The following CSF2RA variants were observed in gnomAD, a reference collection of about 807,000 sequenced individuals.
CSF2RA encodes colony stimulating factor 2 receptor subunit alpha.
A neutral mutation model predicts 51.6 loss-of-function variants in CSF2RA; 42 were observed. The observed-to-expected ratio is 0.81, with a 90% CI of 0.64 to 1.05. The LOEUF (loss-of-function observed/expected upper bound fraction) is 1.05, where lower values mean the gene tolerates loss of function less well. Among genes scored for constraint, CSF2RA ranks in the 50% least tolerant of loss-of-function variants. The pLI is 0.00. For missense variants in CSF2RA, 530 were observed against 501.1 expected (o/e 1.06, Z -0.55); for synonymous variants, 222 against 193.0 (o/e 1.15, Z -1.24).
the CSF2RA span, among the ~76,000 whole-genome samples, chrX:1,324,450 G>C: frequency 3.0e-5 from 2 of 67,642 alleles, no homozygotes; most frequent in African/African-American, 6.6e-5. Flanking sequence ...AAAAAAGAAA[G>C]AAAAAGAAAG....
intron 9 of CSF2RA, among the ~76,000 whole-genome samples, chrX:1,299,176 T>G (rs1327504767): frequency 6.6e-6 from 1 of 152,188 alleles, no homozygotes; most frequent in Non-Finnish European, 1.5e-5. Context: ...TTTTCCCATT[T>G]TATTCCTCTT....
In CSF2RA at chrX:1,274,790, G is replaced by C. The variant is rs1244276267; in HGVS notation, c.-55G>C. On this transcript the variant is annotated 5_prime_UTR_variant, in exon 2 of 13. Coordinates refer to ENST00000381529, the MANE Select transcript of CSF2RA (RefSeq NM_172245.4). ...GAAAATCCGTGGAGACAGCAGATCC[G>C]AGAAGCGGCGATGTTTGCGTAGAAC... 2.2e-6 allele frequency: 1 copy of C among 453,348 alleles called. No individual in the cohort carries two copies. The highest frequency in any genetic ancestry group is 4.4e-6 in the Non-Finnish European group (1 of 226,706). 28.1% of individuals were successfully genotyped at this position (453,348 alleles called of 1,614,324 possible). A position where few individuals can be genotyped will look rare whatever the true frequency, so the allele number is the denominator to read the frequency against.
At chrX:1,315,283 T>C (rs758069013), downstream of CSF2RA, among the ~76,000 whole-genome samples, 2 of 152,168 alleles carry the variant, frequency 1.3e-5, no homozygotes, top group East Asian at 3.9e-4. Context: ...GATAGATGAT[T>C]GATAGATGAC....
chrX:1,309,270 A>C, intron 12 of CSF2RA, 132 bp from the exon 13 acceptor site: 3 of 902,544 alleles, frequency 3.3e-6, no homozygotes, highest in Non-Finnish European at 5.3e-6. Flanking sequence ...AGCTGAGATG[A>C]CACCACTGCA....
chrX:1,308,773 T>C (rs1352133994), intron 12 of CSF2RA, among the ~76,000 whole-genome samples: 7 of 152,070 alleles, frequency 4.6e-5, no homozygotes, highest in Non-Finnish European at 8.8e-5. Flanking sequence ...GATGACGGCT[T>C]CAGGCTTCAA....
chrX:1,283,171 C>A (rs1162917353), intron 3 of CSF2RA, among the ~76,000 whole-genome samples: 4 of 698 alleles, frequency 5.7e-3, no homozygotes, highest in Non-Finnish European at 8.4e-3. Context: ...TCCTTCGTTC[C>A]TTCCTTCCTT....
chrX:1,316,027 C>G, the CSF2RA span, among the ~76,000 whole-genome samples: 3 of 106,482 alleles, frequency 2.8e-5, no homozygotes, highest in South Asian at 2.5e-4. Flanking sequence ...TAGATAGATA[C>G]ATAGATAGAC....
At chrX:1,313,816 C>A (rs1205699250), downstream of CSF2RA, among the ~76,000 whole-genome samples, 5 of 151,776 alleles carry the variant, frequency 3.3e-5, no homozygotes, top group African/African-American at 1.2e-4. Context: ...TGGTGAAACT[C>A]CATCTCTGCT....
chrX:1,295,689 C>T, intron 9 of CSF2RA: 1 of 705,412 alleles, frequency 1.4e-6, no homozygotes, highest in Non-Finnish European at 2.5e-6. Context: ...ACCCTACAGT[C>T]CCCTACTCAC....
At position 1,290,454 on chromosome X, in the gene CSF2RA, C is replaced by A; in HGVS notation, c.591C>A (p.Thr197=). The A allele has an allele frequency of 1.2e-6, 2 of 1,613,868 alleles. No homozygotes were observed. The highest frequency in any genetic ancestry group is 1.7e-6 in the Non-Finnish European group (2 of 1,179,850). The stretch of plus-strand genomic sequence containing the variant: ...GCAATTACTTTCTGGTTAACGGAAC[C>A]AGCCGAGAAATTGGCATCCAATTCT... ...TSRNYFLVNG[T]SREIGIQFFD... is the part of the protein sequence containing the mutation. Residue 197 remains threonine (T), a synonymous_variant, in exon 7 of 13, where the codon ACC becomes ACA. Transcript: ENST00000381529.
At chrX:1,280,988 C>A (rs2089916680) in intron 2 of CSF2RA, among the ~76,000 whole-genome samples, 1 of 125,646 alleles carries the variant, frequency 8.0e-6, no homozygotes, top group Non-Finnish European at 1.7e-5. Context: ...TTCTCCTCCT[C>A]CTCCTTCTCC....
chrX:1,320,672 T>A, the CSF2RA span, among the ~76,000 whole-genome samples: 1 of 131,968 alleles, frequency 7.6e-6, no homozygotes, highest in African/African-American at 3.9e-5. Flanking sequence ...TAATTTTTTT[T>A]TTTTTTTTTT....
chrX:1,289,432 T>A (rs2091116864), intron 6 of CSF2RA, among the ~76,000 whole-genome samples: 1 of 152,140 alleles, frequency 6.6e-6, no homozygotes, highest in South Asian at 2.1e-4. Flanking sequence ...CCTGGCCTGT[T>A]TTTTTGGTTG....
At chrX:1,306,546 C>T (rs1412102642) in intron 12 of CSF2RA, among the ~76,000 whole-genome samples, 2 of 151,882 alleles carry the variant, frequency 1.3e-5, no homozygotes, top group Non-Finnish European at 2.9e-5. Flanking sequence ...ACTCTGGAGG[C>T]TGAGGCAGGA....
intron 7 of CSF2RA, among the ~76,000 whole-genome samples, chrX:1,290,732 G>C (rs758440082): frequency 6.6e-6 from 1 of 152,116 alleles, no homozygotes; most frequent in African/African-American, 2.4e-5. Context: ...GGGCATGGTG[G>C]CGCGTGCCTG....
chrX:1,322,858 G>A, the CSF2RA span, among the ~76,000 whole-genome samples: 17 of 152,078 alleles, frequency 1.1e-4, no homozygotes, highest in South Asian at 2.1e-4. Context: ...GGCCGGGCGC[G>A]GTGGCTCACG....
At chrX:1,293,951 G>C (rs755500803) in intron 7 of CSF2RA, 19 of 271,056 alleles carry the variant, frequency 7.0e-5, no homozygotes, top group African/African-American at 4.0e-4. Context: ...TAGACAAAGA[G>C]GTGTTTCTAC....
chrX:1,290,192 G>GT (rs1489044696), intron 6 of CSF2RA, 145 bp from the exon 7 acceptor site: 608 of 567,102 alleles, frequency 1.1e-3, no homozygotes, highest in Non-Finnish European at 1.5e-3. Context: ...TGTTTTTGTG[G>GT]GTTTTTTTTG....
downstream of CSF2RA, among the ~76,000 whole-genome samples, chrX:1,314,547 C>A (rs868575849): frequency 9.2e-4 from 44 of 47,838 alleles, no homozygotes; most frequent in African/African-American, 4.1e-3. Context: ...CTGCCCAATC[C>A]CACTGCACCT....
Sources: allele counts gnomAD v4.1 joint callset (sites outside exome capture counted in the v4.1 genomes callset), GRCh38; gene constraint gnomAD v4.1.1; transcripts MANE v1.5; gene names NCBI Gene and HGNC (gene_info 2026-07-23, HGNC 2026-07-21).